The following DCDC1 variants were observed in gnomAD, a reference collection of about 807,000 sequenced individuals.
DCDC1 encodes doublecortin domain-containing protein 1.
Under a neutral mutation model 178.3 loss-of-function variants are expected in DCDC1, and 200 were observed. The observed-to-expected ratio is 1.12, with a 90% CI of 1.00 to 1.26. The LOEUF is 1.26. Ranked by LOEUF, DCDC1 falls within the 50% of genes most tolerant of loss-of-function variation. DCDC1 has a pLI of 0.00. For missense variants in DCDC1, 1,983 were observed against 1,749.2 expected (o/e 1.13, Z -2.38); for synonymous variants, 690 against 604.8 (o/e 1.14, Z -2.07).
Position 31,250,421 on chromosome 11 carries a change from C to CATATATAT in DCDC1, c.1055-8813_1055-8806dup. 2.8e-3 allele frequency among the ~76,000 whole-genome samples: 148 copies of CATATATAT among 52,662 alleles called. 9 individuals carry two copies. The highest frequency in any genetic ancestry group is 5.5e-3 in the East Asian group (3 of 544). The allele number at this position is 52,662 out of a possible 152,430, so 34.5% of individuals were successfully genotyped here. On this transcript the variant is annotated intron_variant, in intron 8 of 38. Transcript: ENST00000684477. ...ACACACACACACACACACACATATA[C>CATATATAT]ATATATATGTATATATATATATATC...
At chr11:31,076,402 G>A (rs374955556) in intron 18 of DCDC1, among the ~76,000 whole-genome samples, 12 of 151,936 alleles carry the variant, frequency 7.9e-5, no homozygotes, top group East Asian at 3.9e-4. Flanking sequence ...AGGCTGGAGC[G>A]CAGTGGCATG....
At chr11:31,212,660 C>T (rs565149421) in intron 9 of DCDC1, among the ~76,000 whole-genome samples, 30 of 152,006 alleles carry the variant, frequency 2.0e-4, no homozygotes, top group Admixed American at 1.4e-3. Flanking sequence ...ATAAAAATGA[C>T]GATGCAAGAA....
At chr11:31,333,155 T>G (rs1950089638) in intron 2 of DCDC1, among the ~76,000 whole-genome samples, 1 of 152,214 alleles carries the variant, frequency 6.6e-6, no homozygotes, top group South Asian at 2.1e-4. Context: ...TTGTCTCTTT[T>G]GATCTTTGTT....
At chr11:31,222,804 C>T (rs1591462576) in intron 9 of DCDC1, among the ~76,000 whole-genome samples, 1 of 152,016 alleles carries the variant, frequency 6.6e-6, no homozygotes, top group Admixed American at 6.6e-5. Flanking sequence ...AGGGCCCTAC[C>T]CTTATGACCT....
chr11:31,007,420 A>G (rs941530982), intron 20 of DCDC1, among the ~76,000 whole-genome samples: 1 of 152,206 alleles, frequency 6.6e-6, no homozygotes, highest in Non-Finnish European at 1.5e-5. Context: ...TTCCCTGTGT[A>G]GTAACTGGTC....
chr11:31,127,774 G>A lies in DCDC1; in HGVS notation c.1315-135C>T, dbSNP rs1961859326. 4 of 559,616 alleles carry A rather than the reference G, an allele frequency of 7.1e-6. No individual in the cohort carries two copies. In the Admixed American group the frequency reaches 1.3e-4, roughly 19 times the overall value. The allele number at this position is 559,616 out of a possible 1,614,324, so 34.7% of individuals were successfully genotyped here. ...AATTTGAGTACAGATCTATCCTCAA[G>A]TAAAAACAATGAAAGAGATATACAT... On this transcript the variant is annotated intron_variant, in intron 10 of 38. Coordinates refer to ENST00000684477, the MANE Select transcript of DCDC1 (RefSeq NM_001387274.1).
At chr11:31,226,115 T>C (rs1289644361) in intron 9 of DCDC1, among the ~76,000 whole-genome samples, 1 of 152,034 alleles carries the variant, frequency 6.6e-6, no homozygotes, top group African/African-American at 2.4e-5. Flanking sequence ...TTTTCTCTTA[T>C]ATTTGGAATT....
intron 36 of DCDC1, among the ~76,000 whole-genome samples, chr11:30,892,023 T>A (rs1475448903): frequency 6.6e-6 from 1 of 152,178 alleles, no homozygotes; most frequent in Non-Finnish European, 1.5e-5. Context: ...AACATCTCTA[T>A]ATGACTTTCA....
At chr11:31,103,476 C>A (rs208080) in intron 14 of DCDC1, among the ~76,000 whole-genome samples, 168 bp downstream of exon 14, 18,771 of 152,186 alleles carry the variant, frequency 0.12, 1,354 homozygotes, top group East Asian at 0.29. Context: ...GTCTTTTAGG[C>A]ACTACCTCAT....
At chr11:31,110,205 T>C (rs1959114402) in intron 12 of DCDC1, 55 bp downstream of exon 12, 1 of 664,230 alleles carries the variant, frequency 1.5e-6, no homozygotes, top group Non-Finnish European at 2.8e-6. Context: ...TCTAAATTAG[T>C]TGCAAGTAAC....
chr11:31,153,353 T>G (rs1033782562), intron 9 of DCDC1, among the ~76,000 whole-genome samples: 6 of 152,148 alleles, frequency 3.9e-5, no homozygotes, highest in African/African-American at 1.4e-4. Context: ...ATCCTGAAAT[T>G]ATGAGAGACT....
At chr11:30,916,734 A>T in intron 26 of DCDC1, 136 bp downstream of exon 26, 1 of 1,077,346 alleles carries the variant, frequency 9.3e-7, no homozygotes, top group Non-Finnish European at 1.2e-6. Flanking sequence ...TTAATCAAAA[A>T]CATAAGACAA....
intron 3 of DCDC1, among the ~76,000 whole-genome samples, chr11:31,325,721 A>G (rs1308600805): frequency 6.6e-6 from 1 of 152,180 alleles, no homozygotes; most frequent in Non-Finnish European, 1.5e-5. Context: ...ATATATATGT[A>G]GGCATATTTT....
intron 21 of DCDC1, among the ~76,000 whole-genome samples, chr11:30,936,240 C>T (rs559905046): frequency 6.6e-6 from 1 of 152,200 alleles, no homozygotes; most frequent in South Asian, 2.1e-4. Context: ...AGATCTGTAG[C>T]CCTGTCCAAA....
chr11:30,955,923 A>G (rs1466041783), intron 20 of DCDC1, among the ~76,000 whole-genome samples: 2 of 152,216 alleles, frequency 1.3e-5, no homozygotes, highest in Non-Finnish European at 2.9e-5. Flanking sequence ...GAAAAACACA[A>G]ACAACCATGA....
At chr11:31,213,033 T>G (rs1206179552) in intron 9 of DCDC1, among the ~76,000 whole-genome samples, 3 of 151,380 alleles carry the variant, frequency 2.0e-5, no homozygotes. Context: ...TTGCTCTTCC[T>G]TATTAGATGA....
At chr11:31,142,855 A>G (rs1294116953) in intron 9 of DCDC1, among the ~76,000 whole-genome samples, 2 of 151,954 alleles carry the variant, frequency 1.3e-5, no homozygotes, top group Non-Finnish European at 2.9e-5. Flanking sequence ...TTTGTCTTTT[A>G]GCCTCTAAAA....
At chr11:31,040,375 A>G (rs1954363601) in intron 20 of DCDC1, among the ~76,000 whole-genome samples, 1 of 151,982 alleles carries the variant, frequency 6.6e-6, no homozygotes, top group Admixed American at 6.6e-5. Flanking sequence ...GTTGCCCCCA[A>G]CTCCCATCCT....
intron 7 of DCDC1, among the ~76,000 whole-genome samples, chr11:31,289,763 G>A (rs1387164086): frequency 6.6e-6 from 1 of 151,940 alleles, no homozygotes; most frequent in Non-Finnish European, 1.5e-5. Context: ...AATCCTCACA[G>A]CAACTCTATG....
Sources: gnomAD v4.1 joint callset for allele counts (sites outside exome capture counted in the v4.1 genomes callset) on GRCh38, gnomAD v4.1.1 for gene constraint, MANE v1.5 for transcripts, NCBI Gene and HGNC (gene_info 2026-07-23, HGNC 2026-07-21) for gene names.